The following TRAM2 variants were observed in gnomAD, a reference collection of about 807,000 sequenced individuals.
The protein encoded by TRAM2 is translocation associated membrane protein 2.
A neutral mutation model predicts 51.0 loss-of-function variants in TRAM2; 12 were observed. The ratio of observed to expected loss-of-function variants is 0.24; its 90% CI spans 0.15 to 0.38. The LOEUF (loss-of-function observed/expected upper bound fraction) is 0.38. Ranked by LOEUF, TRAM2 falls within the 10% of genes least tolerant of loss-of-function variation. The pLI, the probability that TRAM2 is intolerant of heterozygous loss-of-function variation, is 1.00. For missense variants in TRAM2, 361 were observed against 462.0 expected (o/e 0.78, Z 2.00); for synonymous variants, 175 against 179.4 (o/e 0.98, Z 0.20).
intron 1 of TRAM2, among the ~76,000 whole-genome samples, chr6:52,536,754 G>A (rs544883595): frequency 5.3e-5 from 8 of 152,274 alleles, no homozygotes; most frequent in East Asian, 3.9e-4. Context: ...CAGAGGTTTC[G>A]GATGTGCAGG....
chr6:52,561,827 C>T (rs1008680437), intron 1 of TRAM2, among the ~76,000 whole-genome samples: 2 of 151,810 alleles, frequency 1.3e-5, no homozygotes, highest in African/African-American at 2.4e-5. Context: ...AGGCTGGTCT[C>T]GAACTCCCAA....
intron 1 of TRAM2, among the ~76,000 whole-genome samples, chr6:52,547,554 C>T (rs1038685471): frequency 3.3e-5 from 5 of 152,212 alleles, no homozygotes; most frequent in African/African-American, 9.7e-5. Flanking sequence ...CCACTATATT[C>T]GCAAAGGGGC....
intron 1 of TRAM2, among the ~76,000 whole-genome samples, chr6:52,565,188 T>C (rs1767568840): frequency 6.6e-6 from 1 of 152,156 alleles, no homozygotes; most frequent in African/African-American, 2.4e-5. Context: ...AGCTCTGTGT[T>C]TGAAGACAAT....
chr6:52,550,712 C>T (rs144324377), intron 1 of TRAM2, among the ~76,000 whole-genome samples: 14,906 of 152,038 alleles, frequency 0.098, 1,335 homozygotes, highest in East Asian at 0.49. Flanking sequence ...CCACCACACC[C>T]GGCTAATTTT....
In TRAM2 at chr6:52,502,889, G is replaced by A. The variant is rs967908078; in HGVS notation, c.*308C>T. 1.8e-5 allele frequency: 7 copies of A among 397,094 alleles called. No homozygotes were observed. The highest frequency in any genetic ancestry group is 3.2e-5 in the Non-Finnish European group (7 of 220,512). 24.6% of individuals were successfully genotyped at this position (397,094 alleles called of 1,614,324 possible). Reference sequence around the variant, plus strand: ...AGCCATAAGGCAAGAGACAGAGCAAGCAGAAAGGTGCCAGCCATGGGCGCC... The same window carrying A: ...AGCCATAAGGCAAGAGACAGAGCAAACAGAAAGGTGCCAGCCATGGGCGCC... On this transcript the variant is annotated 3_prime_UTR_variant, in exon 11 of 11. Coordinates refer to ENST00000182527, the MANE Select transcript of TRAM2 (RefSeq NM_012288.4).
intron 2 of TRAM2, among the ~76,000 whole-genome samples, chr6:52,526,976 ATTTT>A (rs1237394546): frequency 2.6e-5 from 4 of 152,194 alleles, no homozygotes; most frequent in African/African-American, 4.8e-5. Flanking sequence ...ATACAAAAAA[ATTTT>A]TTTTAATTAA....
chr6:52,503,362 G>A (rs369316137), intron 10 of TRAM2, 92 bp from the exon 11 acceptor site: 13 of 1,159,778 alleles, frequency 1.1e-5, no homozygotes, highest in African/African-American at 6.0e-5. Flanking sequence ...GAAGGGGCCC[G>A]GGCAGCCCAG....
In TRAM2 at chr6:52,576,825, G is replaced by A. The variant is rs1379030210; in HGVS notation, c.91C>T (p.Leu31Phe). The stretch of plus-strand genomic sequence containing the variant: ...AACATAAGCCCGATGAGGACGCAGA[G>A]CACCAGGCAGAAGCCGATGTCCGCA... ...NHADIGFCLV[L>F]CVLIGLMFEV... Residue 31 changes from leucine to phenylalanine, a missense_variant, in exon 1 of 11, where the codon CTC becomes TTC. Physicochemically the swap from Leu to Phe is conservative, Grantham distance 22 (BLOSUM62 0). Transcript: ENST00000182527. The A allele has an allele frequency of 1.2e-6, 2 of 1,613,646 alleles. No homozygotes were observed. The highest frequency in any genetic ancestry group is 1.7e-6 in the Non-Finnish European group (2 of 1,179,812).
chr6:52,526,519 T>C (rs1326849098), intron 2 of TRAM2, among the ~76,000 whole-genome samples: 2 of 152,160 alleles, frequency 1.3e-5, no homozygotes, highest in Non-Finnish European at 2.9e-5. Flanking sequence ...CCTGAGTAGC[T>C]GGAATTACAG....
chr6:52,527,506 G>A (rs1373559359), intron 2 of TRAM2, among the ~76,000 whole-genome samples: 1 of 151,794 alleles, frequency 6.6e-6, no homozygotes, highest in Non-Finnish European at 1.5e-5. Flanking sequence ...GGTCAGAAAG[G>A]GTGCGGGGTG....
In TRAM2 at chr6:52,500,722, C is replaced by T. The variant is rs1039482440; in HGVS notation, c.*2475G>A. ...GGCACGCAAGTGTCCTGGGACAGAG[C>T]AATGGAAACCTACAGGCATGAGAAT... On this transcript the variant is annotated 3_prime_UTR_variant, in exon 11 of 11. Transcript: ENST00000182527. The T allele has an allele frequency of 4.6e-5, 7 of 152,196 alleles. No homozygotes were observed. The highest frequency in any genetic ancestry group is 1.7e-4 in the African/African-American group (7 of 41,430). The allele number at this position is 152,196 out of a possible 1,614,324, so 9.4% of individuals were successfully genotyped here.
At chr6:52,504,257 G>A (rs531159140) in intron 10 of TRAM2, among the ~76,000 whole-genome samples, 10 of 152,338 alleles carry the variant, frequency 6.6e-5, no homozygotes, top group African/African-American at 1.9e-4. Flanking sequence ...GAGAATGGGC[G>A]GCGGCGGCAG....
At chr6:52,562,265 A>G (rs1249987961) in intron 1 of TRAM2, among the ~76,000 whole-genome samples, 1 of 152,206 alleles carries the variant, frequency 6.6e-6, no homozygotes, top group Non-Finnish European at 1.5e-5. Flanking sequence ...CGGGCTGCAC[A>G]TGATAAACTT....
At position 52,576,680 on chromosome 6, in the gene TRAM2, T is replaced by G; in HGVS notation, c.120+116A>C. The G allele has an allele frequency of 2.2e-6, 3 of 1,386,818 alleles. No homozygotes were observed. In the South Asian group the frequency reaches 4.1e-5, roughly 19 times the overall value. The allele number at this position is 1,386,818 out of a possible 1,614,324, so 85.9% of individuals were successfully genotyped here. ...GCACAAAGCCGGGGTGCAGATAACG[T>G]ACACGGCAGCCAGGAGCCTCCGATC... On this transcript the variant is annotated intron_variant, in intron 1 of 10. Transcript: ENST00000182527.
At chr6:52,505,895 G>A (rs1429306439) in intron 8 of TRAM2, 137 bp downstream of exon 8, 12 of 1,401,476 alleles carry the variant, frequency 8.6e-6, no homozygotes, top group Non-Finnish European at 1.2e-5. Flanking sequence ...AGATGTTCCA[G>A]AAAAAAATAA....
chr6:52,560,208 T>A (rs1767475916), intron 1 of TRAM2, among the ~76,000 whole-genome samples: 1 of 151,226 alleles, frequency 6.6e-6, no homozygotes, highest in African/African-American at 2.4e-5. Context: ...GATCATGCCA[T>A]TGCACTCCAG....
At chr6:52,546,837 G>A (rs908327129) in intron 1 of TRAM2, among the ~76,000 whole-genome samples, 5 of 152,172 alleles carry the variant, frequency 3.3e-5, no homozygotes, top group Non-Finnish European at 7.4e-5. Context: ...GGGAGGACCA[G>A]TCAACTCAGG....
At chr6:52,506,495 T>C (rs1030655699) in intron 7 of TRAM2, among the ~76,000 whole-genome samples, 4 of 152,224 alleles carry the variant, frequency 2.6e-5, no homozygotes, top group Non-Finnish European at 5.9e-5. Context: ...GCTCTGAGTA[T>C]AGGAATATGA....
intron 1 of TRAM2, among the ~76,000 whole-genome samples, chr6:52,559,093 A>G (rs1391764549): frequency 6.6e-6 from 1 of 152,190 alleles, no homozygotes; most frequent in Admixed American, 6.5e-5. Flanking sequence ...CACAGACTTG[A>G]GAAATGGTGG....
Sources: allele counts gnomAD v4.1 joint callset (sites outside exome capture counted in the v4.1 genomes callset), GRCh38; gene constraint gnomAD v4.1.1; transcripts MANE v1.5; gene names NCBI Gene and HGNC (gene_info 2026-07-23, HGNC 2026-07-21).